The following VTI1A variants were observed in gnomAD, a reference collection of about 807,000 sequenced individuals.
VTI1A encodes vesicle transport through interaction with t-SNAREs 1A, also known as vesicle transport through interaction with t-SNAREs homolog 1A.
VTI1A carries 22 observed loss-of-function variants against 34.9 expected under a neutral mutation model. The observed-to-expected ratio is 0.63, with a 90% CI of 0.45 to 0.90. VTI1A has a LOEUF of 0.90. Ranked by LOEUF, VTI1A falls within the 40% of genes least tolerant of loss-of-function variation. The probability of loss-of-function intolerance (pLI) is 0.00; values close to 1 mark genes in which losing one functional copy is unlikely to be tolerated. For missense variants in VTI1A, 268 were observed against 275.6 expected (o/e 0.97, Z 0.20); for synonymous variants, 87 against 97.3 (o/e 0.89, Z 0.62).
At chr10:112,451,756 G>A (rs1029480016) in intron 1 of VTI1A, among the ~76,000 whole-genome samples, 1 of 152,172 alleles carries the variant, frequency 6.6e-6, no homozygotes, top group South Asian at 2.1e-4. Context: ...ATTCTCTCTT[G>A]CCTTTGCAAG....
At chr10:112,669,054 G>A in intron 7 of VTI1A, 56 bp downstream of exon 7, 1 of 1,593,982 alleles carries the variant, frequency 6.3e-7, no homozygotes, top group East Asian at 2.2e-5. Context: ...AAAATACTAT[G>A]TTTTCATTCA....
At chr10:112,456,560 G>A (rs534191762) in intron 1 of VTI1A, among the ~76,000 whole-genome samples, 8 of 152,220 alleles carry the variant, frequency 5.3e-5, no homozygotes, top group African/African-American at 1.7e-4. Flanking sequence ...AGGATAGGTG[G>A]GGTTTGGACA....
chr10:112,842,362 C>T, the VTI1A span, among the ~76,000 whole-genome samples: 3 of 152,124 alleles, frequency 2.0e-5, no homozygotes, highest in Non-Finnish European at 4.4e-5. Context: ...CCATTACAGC[C>T]AGGTGTTTAC....
intron 7 of VTI1A, among the ~76,000 whole-genome samples, chr10:112,799,718 G>A (rs546466312): frequency 2.6e-5 from 4 of 152,198 alleles, no homozygotes; most frequent in South Asian, 4.2e-4. Flanking sequence ...GTTCACCTGC[G>A]CAGATCTGAT....
intron 7 of VTI1A, among the ~76,000 whole-genome samples, chr10:112,728,458 T>G (rs1447296055): frequency 1.3e-5 from 2 of 152,188 alleles, no homozygotes; most frequent in African/African-American, 4.8e-5. Flanking sequence ...TTACCATGCA[T>G]GGGACATTGA....
At chr10:112,460,443 A>G (rs1184454734) in intron 1 of VTI1A, 81 bp from the exon 2 acceptor site, 1 of 1,243,388 alleles carries the variant, frequency 8.0e-7, no homozygotes, top group Admixed American at 2.4e-5. Context: ...AGAAAGGAAA[A>G]AGGCATATAA....
chr10:112,784,391 C>T (rs776156033), intron 7 of VTI1A, among the ~76,000 whole-genome samples: 6 of 152,312 alleles, frequency 3.9e-5, no homozygotes, highest in Non-Finnish European at 8.8e-5. Context: ...TAGGGCAGCT[C>T]AAATTTCAGT....
In VTI1A at chr10:112,818,386, T is replaced by C. The variant is rs914088568; in HGVS notation, c.*3003T>C. The C allele has an allele frequency of 8.6e-6, 2 of 231,908 alleles. No homozygotes were observed. Among genetic ancestry groups the C allele is most frequent in the Non-Finnish European group, 8.5e-6 (1 of 117,356 alleles). The allele number at this position is 231,908 out of a possible 1,614,324, so 14.4% of individuals were successfully genotyped here. A position where few individuals can be genotyped will look rare whatever the true frequency, so the allele number is the denominator to read the frequency against. ...ACAGCATCCAGAGATTATCAACCCA[T>C]AGAAGAAGGGAGGGGAAAAAAAAGA... On this transcript the variant is annotated 3_prime_UTR_variant, in exon 8 of 8. Coordinates refer to ENST00000393077, the MANE Select transcript of VTI1A (RefSeq NM_145206.4).
intron 7 of VTI1A, among the ~76,000 whole-genome samples, chr10:112,738,130 G>A (rs563100525): frequency 6.6e-6 from 1 of 152,290 alleles, no homozygotes; most frequent in South Asian, 2.1e-4. Context: ...TTCCTCACCT[G>A]ATTTCTAGCC....
At chr10:112,746,225 C>A (rs1850890763) in intron 7 of VTI1A, among the ~76,000 whole-genome samples, 1 of 152,212 alleles carries the variant, frequency 6.6e-6, no homozygotes. Flanking sequence ...CTACTCCACC[C>A]ATGTTTTAGA....
chr10:112,807,199 G>A (rs1489531183), intron 7 of VTI1A, among the ~76,000 whole-genome samples: 3 of 152,212 alleles, frequency 2.0e-5, no homozygotes, highest in South Asian at 2.1e-4. Flanking sequence ...CAGTCATCAC[G>A]AAACCCAAGA....
intron 7 of VTI1A, among the ~76,000 whole-genome samples, chr10:112,730,308 A>C (rs1320454561): frequency 6.6e-6 from 1 of 152,196 alleles, no homozygotes; most frequent in Admixed American, 6.5e-5. Flanking sequence ...TCTCCTGGTG[A>C]GAATGTGTCT....
chr10:112,666,210 C>A (rs1847634542), intron 5 of VTI1A, among the ~76,000 whole-genome samples: 1 of 152,076 alleles, frequency 6.6e-6, no homozygotes. Flanking sequence ...CCAATTTTAC[C>A]TTAAGGATAA....
At chr10:112,468,590 G>A (rs987910144) in intron 3 of VTI1A, among the ~76,000 whole-genome samples, 3 of 152,078 alleles carry the variant, frequency 2.0e-5, no homozygotes, top group East Asian at 1.9e-4. Flanking sequence ...TCTTTGACTC[G>A]TTTGTCCACT....
chr10:112,637,489 C>T (rs549737541), intron 5 of VTI1A, among the ~76,000 whole-genome samples: 3 of 152,120 alleles, frequency 2.0e-5, no homozygotes, highest in Non-Finnish European at 4.4e-5. Flanking sequence ...GAAACCCCAT[C>T]TCTACTAAAC....
intron 4 of VTI1A, among the ~76,000 whole-genome samples, chr10:112,530,284 A>G (rs1026404948): frequency 1.3e-5 from 2 of 152,158 alleles, no homozygotes; most frequent in Non-Finnish European, 2.9e-5. Context: ...TTATCATTCT[A>G]TTCTTTGAAA....
chr10:112,514,997 A>C (rs1358475735), intron 3 of VTI1A, among the ~76,000 whole-genome samples: 1 of 152,066 alleles, frequency 6.6e-6, no homozygotes, highest in Non-Finnish European at 1.5e-5. Context: ...GCAAGCACTA[A>C]ATTCTTATCT....
intron 5 of VTI1A, among the ~76,000 whole-genome samples, chr10:112,585,606 T>C (rs1406108822): frequency 6.6e-6 from 1 of 151,546 alleles, no homozygotes; most frequent in Non-Finnish European, 1.5e-5. Flanking sequence ...GGGAAAGATA[T>C]GGGAGTTTAT....
intron 7 of VTI1A, among the ~76,000 whole-genome samples, chr10:112,720,338 T>C (rs759028843): frequency 6.6e-6 from 1 of 152,216 alleles, no homozygotes; most frequent in Non-Finnish European, 1.5e-5. Context: ...AATGAATAAG[T>C]GTTCCAATTT....
Sources: allele counts gnomAD v4.1 joint callset (sites outside exome capture counted in the v4.1 genomes callset), GRCh38; gene constraint gnomAD v4.1.1; transcripts MANE v1.5; gene names NCBI Gene and HGNC (gene_info 2026-07-23, HGNC 2026-07-21).